SP100: variants seen among roughly 807,000 people sequenced by gnomAD.
SP100 encodes the protein SP100 nuclear body protein.
SP100 carries 84 observed loss-of-function variants against 130.0 expected under a neutral mutation model. The ratio of observed to expected loss-of-function variants is 0.65; its 90% confidence interval spans 0.54 to 0.77. The LOEUF (loss-of-function observed/expected upper bound fraction) is 0.77. Among genes scored for constraint, SP100 ranks in the 30% least tolerant of loss-of-function variants. SP100 has a pLI of 0.00. For missense variants in SP100, 978 were observed against 1,052.2 expected, an observed-to-expected ratio of 0.93 and a Z score of 0.97; for synonymous variants, 331 against 351.7, an observed-to-expected ratio of 0.94 and a Z score of 0.66.
chr2:230,487,775 C>T (rs951770747), intron 17 of SP100, among the ~76,000 whole-genome samples: 1 of 152,182 alleles, frequency 6.6e-6, no homozygotes, highest in African/African-American at 2.4e-5. Context: ...TTACTTTGGG[C>T]AGTATGGCCA....
intron 2 of SP100, among the ~76,000 whole-genome samples, chr2:230,418,462 T>C (rs1283896662): frequency 6.6e-6 from 1 of 152,226 alleles, no homozygotes; most frequent in Admixed American, 6.5e-5. Flanking sequence ...TAGTTATTTT[T>C]CCAGACTGAT....
intron 17 of SP100, among the ~76,000 whole-genome samples, chr2:230,479,901 A>C (rs1273125634): frequency 6.6e-6 from 1 of 152,212 alleles, no homozygotes; most frequent in Non-Finnish European, 1.5e-5. Context: ...GTCTTTCTAG[A>C]GCATGATTTG....
At chr2:230,417,550 G>A in intron 1 of SP100, 41 bp from the exon 2 acceptor site, 1 of 1,590,746 alleles carries the variant, frequency 6.3e-7, no homozygotes. Context: ...TGAGGCAAAG[G>A]GTCCAGTTAT....
At chr2:230,474,575 G>A (rs1006905297) in intron 17 of SP100, 128 bp downstream of exon 17, 8 of 588,470 alleles carry the variant, frequency 1.4e-5, no homozygotes, top group Admixed American at 1.3e-4. Flanking sequence ...TTGCAGGTTT[G>A]TTACATGGGT....
Position 230,444,335 on chromosome 2 carries a change from G to T in SP100, c.428G>T (p.Gly143Val), listed in dbSNP as rs140633179. The T allele has an allele frequency of 1.2e-6, 2 of 1,610,130 alleles. No individual in the cohort carries two copies. Among genetic ancestry groups the T allele is most frequent in the South Asian group, 2.2e-5 (2 of 90,356 alleles). Residue 143 changes from glycine (G) to valine (V), a missense_variant, in exon 4 of 29, where the codon GGC becomes GTC. Coordinates refer to ENST00000340126, the MANE Select transcript of SP100 (RefSeq NM_001080391.2). ...EYPDLIHIYK[G>V]FENVIHDKLP... ...CCCGATTTAATTCACATTTATAAAG[G>T]CTTTGAAAATGGTAATTAGATTTAT... is the stretch of plus-strand genomic sequence containing the variant.
intron 24 of SP100, among the ~76,000 whole-genome samples, chr2:230,528,258 A>C (rs1455186414): frequency 6.6e-6 from 1 of 152,240 alleles, no homozygotes; most frequent in Non-Finnish European, 1.5e-5. Context: ...TTAAATTAGA[A>C]CTCAAGATTA....
At chr2:230,486,278 G>A (rs1285792412) in intron 17 of SP100, among the ~76,000 whole-genome samples, 2 of 152,052 alleles carry the variant, frequency 1.3e-5, no homozygotes, top group Non-Finnish European at 2.9e-5. Flanking sequence ...AGGTATACAT[G>A]TGTCATGGTG....
chr2:230,481,720 G>A (rs1398474779), intron 17 of SP100, among the ~76,000 whole-genome samples: 1 of 152,104 alleles, frequency 6.6e-6, no homozygotes, highest in Non-Finnish European at 1.5e-5. Flanking sequence ...ACTTCTTACT[G>A]TGCCTATGAA....
intron 28 of SP100, 115 bp from the exon 29 acceptor site, chr2:230,542,721 T>C (rs1692226426): frequency 5.1e-6 from 3 of 583,856 alleles, no homozygotes; most frequent in Non-Finnish European, 9.2e-6. Context: ...CTCAAGTAGA[T>C]TAATTCTCAC....
At chr2:230,516,682 T>G (rs1690931206) in intron 24 of SP100, among the ~76,000 whole-genome samples, 1 of 152,156 alleles carries the variant, frequency 6.6e-6, no homozygotes. Context: ...TGCCAGAGCC[T>G]TTTCCATAAA....
chr2:230,444,110 TC>T, intron 3 of SP100, 67 bp from the exon 4 acceptor site: 1 of 1,156,998 alleles, frequency 8.6e-7, no homozygotes, highest in Non-Finnish European at 1.2e-6. Context: ...ACCATAGAAT[TC>T]CTTTCTAGAG....
intron 18 of SP100, among the ~76,000 whole-genome samples, chr2:230,495,920 G>A (rs973137359): frequency 6.6e-6 from 1 of 152,002 alleles, no homozygotes; most frequent in South Asian, 2.1e-4. Context: ...TTATTTGTCT[G>A]TCACTCATAT....
intron 24 of SP100, among the ~76,000 whole-genome samples, chr2:230,534,540 G>A (rs760831139): frequency 5.9e-5 from 9 of 152,004 alleles, no homozygotes; most frequent in Admixed American, 4.6e-4. Flanking sequence ...TTCTAAATTC[G>A]GCCTTTTTGA....
intron 5 of SP100, among the ~76,000 whole-genome samples, chr2:230,448,565 A>G (rs2063818602): frequency 6.6e-6 from 1 of 152,214 alleles, no homozygotes; most frequent in African/African-American, 2.4e-5. Context: ...AGAAAAATGA[A>G]ACAAAAATGA....
intron 20 of SP100, 98 bp downstream of exon 20, chr2:230,503,208 G>A: frequency 1.2e-6 from 1 of 825,240 alleles, no homozygotes; most frequent in Non-Finnish European, 1.9e-6. Flanking sequence ...TTGGCATATG[G>A]AGCTAGTACT....
At chr2:230,494,518 C>T (rs2066560879) in intron 18 of SP100, 58 bp downstream of exon 18, 1 of 1,291,982 alleles carries the variant, frequency 7.7e-7, no homozygotes, top group Admixed American at 1.7e-5. Flanking sequence ...GTTCTTCCTG[C>T]CAGACCCCAT....
chr2:230,493,324 T>C (rs1243535597), intron 17 of SP100, among the ~76,000 whole-genome samples: 2 of 152,184 alleles, frequency 1.3e-5, no homozygotes, highest in Non-Finnish European at 2.9e-5. Flanking sequence ...TTCAAGTGAT[T>C]CTCCTGCCTC....
rs757075730 is a variant in SP100, at chr2:230,542,867, T to C, written c.2579T>C (p.Val860Ala). The change falls in exon 29 of 29, where the codon GTA (valine) becomes GCA (alanine). Residue 860 changes from valine (V) to alanine (A), a missense_variant. By Grantham distance (64) the Val-to-Ala change is moderately conservative. Transcript: ENST00000340126. ...AAATTCACCAGACTGGGAATTCAAG[T>C]ACAGGACATCTTTGAGAAGAATTTC... is the stretch of plus-strand genomic sequence containing the variant. ...EDKFTRLGIQ[V>A]QDIFEKNFRN... The C allele has an allele frequency of 6.2e-7, 1 of 1,612,126 alleles. No individual in the cohort carries two copies. The highest frequency in any genetic ancestry group is 1.1e-5 in the South Asian group (1 of 90,984).
At chr2:230,521,776 C>G (rs191283479) in intron 24 of SP100, among the ~76,000 whole-genome samples, 133 of 152,284 alleles carry the variant, frequency 8.7e-4, no homozygotes, top group African/African-American at 3.0e-3. Context: ...TCAGTTTTGA[C>G]TGGAGGTGAG....
Sources: gnomAD v4.1 joint callset for allele counts (sites outside exome capture counted in the v4.1 genomes callset) on GRCh38, gnomAD v4.1.1 for gene constraint, MANE v1.5 for transcripts, NCBI Gene and HGNC (gene_info 2026-07-23, HGNC 2026-07-21) for gene names.